Variants in EXOC6 observed in about 807,000 individuals in gnomAD.
EXOC6 encodes SEC15-like 1.
EXOC6 carries 60 observed loss-of-function variants against 112.5 expected under a neutral mutation model. That is an observed-to-expected ratio of 0.53 (90% CI 0.43 to 0.66). EXOC6 has a LOEUF of 0.66. Among genes scored for constraint, EXOC6 ranks in the 30% least tolerant of loss-of-function variants. The pLI is 0.00. For synonymous variants in EXOC6, 295 were observed against 308.0 expected, an observed-to-expected ratio of 0.96 and a Z score of 0.44; for missense variants, 855 against 957.1, an observed-to-expected ratio of 0.89 and a Z score of 1.41.
At chr10:93,028,300 A>G (rs546779509) in intron 20 of EXOC6, among the ~76,000 whole-genome samples, 122 of 152,222 alleles carry the variant, frequency 8.0e-4, no homozygotes, top group African/African-American at 2.8e-3. Flanking sequence ...CTGTTTCAAA[A>G]AAAAGAAAAA....
At chr10:92,828,806 C>T (rs751640246) in intron 1 of EXOC6, among the ~76,000 whole-genome samples, 1 of 151,060 alleles carries the variant, frequency 6.6e-6, no homozygotes. Context: ...ACTCCAACTC[C>T]GCCAAGACTG....
At chr10:92,859,842 T>TGC (rs1847820713) in intron 1 of EXOC6, among the ~76,000 whole-genome samples, 1 of 151,422 alleles carries the variant, frequency 6.6e-6, no homozygotes, top group Non-Finnish European at 1.5e-5. Flanking sequence ...TGTGTGTGTG[T>TGC]GTGTGTGTGT....
At chr10:92,828,641 T>TG (rs1006983467) in intron 1 of EXOC6, among the ~76,000 whole-genome samples, 15 of 150,994 alleles carry the variant, frequency 9.9e-5, no homozygotes, top group Non-Finnish European at 2.1e-4. Context: ...GCCAGTTTTT[T>TG]TTTTTTTTTT....
chr10:92,839,957 T>G (rs1466459298), intron 1 of EXOC6, among the ~76,000 whole-genome samples: 2 of 152,170 alleles, frequency 1.3e-5, no homozygotes, highest in South Asian at 4.1e-4. Flanking sequence ...AATTGTTTTA[T>G]GATAACATAA....
At chr10:92,831,559 G>A (rs558763326), upstream of EXOC6, among the ~76,000 whole-genome samples, 15 of 151,862 alleles carry the variant, frequency 9.9e-5, no homozygotes, top group African/African-American at 2.7e-4. Flanking sequence ...TCAGCCTCCC[G>A]AATAGCTGGG....
intron 8 of EXOC6, among the ~76,000 whole-genome samples, chr10:92,926,681 G>C (rs993188783): frequency 6.6e-6 from 1 of 152,024 alleles, no homozygotes; most frequent in South Asian, 2.1e-4. Context: ...TTACAGGCAC[G>C]TACCACCATG....
chr10:92,865,376 A>G (rs2133698026), intron 1 of EXOC6, among the ~76,000 whole-genome samples: 1 of 152,212 alleles, frequency 6.6e-6, no homozygotes, highest in South Asian at 2.1e-4. Context: ...TCTACTAAAA[A>G]AATACAAAAA....
intron 19 of EXOC6, among the ~76,000 whole-genome samples, chr10:93,004,177 G>C (rs1162115275): frequency 6.6e-6 from 1 of 152,092 alleles, no homozygotes; most frequent in Non-Finnish European, 1.5e-5. Context: ...TTGGAGGAGG[G>C]AATACATAAA....
At chr10:92,944,426 A>T (rs1231666239) in intron 13 of EXOC6, among the ~76,000 whole-genome samples, 1 of 151,858 alleles carries the variant, frequency 6.6e-6, no homozygotes, top group Non-Finnish European at 1.5e-5. Flanking sequence ...TAGTAGAGAC[A>T]GGGTTTCACC....
At chr10:92,882,011 G>A (rs984552422) in intron 1 of EXOC6, among the ~76,000 whole-genome samples, 2 of 152,078 alleles carry the variant, frequency 1.3e-5, no homozygotes, top group Non-Finnish European at 2.9e-5. Flanking sequence ...ACCCAGTCTC[G>A]AGTACGTCTT....
At chr10:92,845,856 T>A (rs1166745507), upstream of EXOC6, among the ~76,000 whole-genome samples, 5 of 152,248 alleles carry the variant, frequency 3.3e-5, no homozygotes, top group Admixed American at 2.6e-4. Context: ...GAGAATCACT[T>A]GAACCCAGGA....
At chr10:92,963,438 G>A (rs1211373483) in intron 17 of EXOC6, among the ~76,000 whole-genome samples, 1 of 151,810 alleles carries the variant, frequency 6.6e-6, no homozygotes, top group Non-Finnish European at 1.5e-5. Context: ...AGAACATTTA[G>A]TATACTATTT....
chr10:92,960,417 A>G lies in EXOC6; in HGVS notation c.1773+4703A>G, dbSNP rs1195596697. 2.6e-5 allele frequency among the ~76,000 whole-genome samples: 4 copies of G among 152,196 alleles called. No homozygotes were observed. In the East Asian group the frequency reaches 7.7e-4, roughly 29 times the overall value. On this transcript the variant is annotated intron_variant, in intron 17 of 21. Transcript: ENST00000260762. Reference sequence around the variant, plus strand: ...TTAGGGCAGTGAGACTATTGCTCTAAAAGTATGTAATTGTGTATACATGCA... The same window carrying G: ...TTAGGGCAGTGAGACTATTGCTCTAGAAGTATGTAATTGTGTATACATGCA...
At chr10:93,018,626 T>TTTA (rs35100901) in intron 20 of EXOC6, among the ~76,000 whole-genome samples, 13 of 149,650 alleles carry the variant, frequency 8.7e-5, no homozygotes, top group Non-Finnish European at 1.5e-4. Flanking sequence ...TTTTTTTTTT[T>TTTA]ACCAGATATT....
chr10:93,037,016 C>A (rs138922255), intron 20 of EXOC6, among the ~76,000 whole-genome samples: 1 of 152,042 alleles, frequency 6.6e-6, no homozygotes, highest in African/African-American at 2.4e-5. Context: ...GATATTCTGG[C>A]CTTTGATAAA....
intron 20 of EXOC6, among the ~76,000 whole-genome samples, chr10:93,037,521 C>T (rs906146224): frequency 6.6e-6 from 1 of 151,154 alleles, no homozygotes; most frequent in Non-Finnish European, 1.5e-5. Context: ...TTCACTGCAG[C>T]CTCTGCCTCT....
intron 17 of EXOC6, among the ~76,000 whole-genome samples, chr10:92,963,386 G>A (rs1033822105): frequency 6.6e-6 from 1 of 151,938 alleles, no homozygotes; most frequent in African/African-American, 2.4e-5. Context: ...AATTGTTTTT[G>A]GTATAATTAA....
At chr10:92,940,848 A>G (rs969874713) in intron 13 of EXOC6, 24 bp downstream of exon 13, 1 of 1,375,446 alleles carries the variant, frequency 7.3e-7, no homozygotes, top group Non-Finnish European at 1.0e-6. Context: ...ATGGTGCCTT[A>G]ATATAATGAA....
chr10:92,974,921 T>G (rs1469747230), intron 18 of EXOC6, among the ~76,000 whole-genome samples: 4 of 152,206 alleles, frequency 2.6e-5, no homozygotes, highest in Admixed American at 2.6e-4. Flanking sequence ...CGCTACAACC[T>G]CCACCTCCCA....
Sources: gnomAD v4.1 joint callset for allele counts (sites outside exome capture counted in the v4.1 genomes callset) on GRCh38, gnomAD v4.1.1 for gene constraint, MANE v1.5 for transcripts, NCBI Gene and HGNC (gene_info 2026-07-23, HGNC 2026-07-21) for gene names.